Variants in DSG3 observed in about 807,000 individuals in gnomAD.
DSG3 encodes the protein desmoglein-3.
DSG3 carries 63 observed loss-of-function variants against 85.9 expected under a neutral mutation model. The observed-to-expected ratio is 0.73, with a 90% CI of 0.60 to 0.90. The LOEUF (loss-of-function observed/expected upper bound fraction) is 0.90. Among genes scored for constraint, DSG3 ranks in the 40% least tolerant of loss-of-function variants. The probability of loss-of-function intolerance (pLI) is 0.00; values close to 1 mark genes in which losing one functional copy is unlikely to be tolerated. For synonymous variants in DSG3, 447 were observed against 441.9 expected (o/e 1.01, Z -0.14); for missense variants, 1,220 against 1,219.9 (o/e 1.00, Z 0.00).
In DSG3 at chr18:31,464,141, A is replaced by G; in HGVS notation, c.1030A>G (p.Lys344Glu). 6.2e-7 allele frequency: 1 copy of G among 1,614,058 alleles called. No individual in the cohort carries two copies. Among genetic ancestry groups the G allele is most frequent in the South Asian group, 1.1e-5 (1 of 91,046 alleles). The change falls in exon 9 of 16, where the codon AAA (lysine) becomes GAA (glutamate). Residue 344 changes from lysine to glutamate, a missense_variant. By Grantham distance (56) the Lys-to-Glu change is moderately conservative. Transcript: ENST00000257189. ...AGATTATGAACAACTACAAAGCGTGAAACTTAGTATTGCTGTCAAAAACAA... is the reference window on the plus strand; with the variant it reads ...AGATTATGAACAACTACAAAGCGTGGAACTTAGTATTGCTGTCAAAAACAA... ...ALDYEQLQSV[K>E]LSIAVKNKAE...
Position 31,474,403 on chromosome 18 carries a change from A to G in DSG3, c.2384A>G (p.Gln795Arg), listed in dbSNP as rs145985329. Residue 795 changes from glutamine (Q) to arginine (R), a missense_variant and splice_region_variant, in exon 15 of 16, where the codon CAG (glutamine) becomes CGG (arginine). Gln to Arg is a conservative substitution (Grantham distance 43). Transcript: ENST00000257189. ...AATTTTCTGGACTCCTACTTTTCTCAGGTAATTTGGTGAAAAACTTTGTGG... is the reference window on the plus strand; with the variant it reads ...AATTTTCTGGACTCCTACTTTTCTCGGGTAATTTGGTGAAAAACTTTGTGG... ...SMNFLDSYFS[Q>R]KAFACAEEDD... 1.9e-6 allele frequency: 3 copies of G among 1,596,162 alleles called. No homozygotes were observed. The highest frequency in any genetic ancestry group is 2.6e-6 in the Non-Finnish European group (3 of 1,168,432).
At chr18:31,456,678 A>T (rs1362781862) in intron 2 of DSG3, among the ~76,000 whole-genome samples, 1 of 152,170 alleles carries the variant, frequency 6.6e-6, no homozygotes, top group Non-Finnish European at 1.5e-5. Flanking sequence ...AATTTATTTC[A>T]TGCATTCTTT....
intron 1 of DSG3, 31 bp downstream of exon 1, chr18:31,447,956 A>G: frequency 6.6e-7 from 1 of 1,514,100 alleles, no homozygotes; most frequent in Non-Finnish European, 8.9e-7. Context: ...ATAATCACAA[A>G]CTTCCCTGCT....
intron 3 of DSG3, among the ~76,000 whole-genome samples, 169 bp downstream of exon 3, chr18:31,457,293 G>A (rs1368815134): frequency 1.3e-5 from 2 of 151,530 alleles, no homozygotes; most frequent in African/African-American, 2.4e-5. Flanking sequence ...GAGAGAAAGA[G>A]AGAAAGGAAG....
At chr18:31,471,335 C>T (rs1319933671) in intron 12 of DSG3, among the ~76,000 whole-genome samples, 1 of 152,164 alleles carries the variant, frequency 6.6e-6, no homozygotes. Flanking sequence ...CTCATAACAA[C>T]CTATGATGTA....
intron 3 of DSG3, among the ~76,000 whole-genome samples, 164 bp from the exon 4 acceptor site, chr18:31,458,281 A>T (rs1182772888): frequency 6.6e-6 from 1 of 152,174 alleles, no homozygotes; most frequent in Non-Finnish European, 1.5e-5. Context: ...CAACGGTTTG[A>T]TTTTATTTCA....
At chr18:31,450,200 A>T (rs2072702994) in intron 1 of DSG3, among the ~76,000 whole-genome samples, 1 of 152,190 alleles carries the variant, frequency 6.6e-6, no homozygotes, top group African/African-American at 2.4e-5. Flanking sequence ...TCAAGTCTTT[A>T]TGGATTCAGT....
At chr18:31,458,879 C>T (rs1385057527) in intron 4 of DSG3, among the ~76,000 whole-genome samples, 154 bp from the exon 5 acceptor site, 2 of 152,192 alleles carry the variant, frequency 1.3e-5, no homozygotes, top group African/African-American at 2.4e-5. Flanking sequence ...CTGCCCAGAG[C>T]AGGCACCTTT....
Position 31,474,098 on chromosome 18 carries a change from A to G in DSG3, c.2102-23A>G, listed in dbSNP as rs765382956. On this transcript the variant is annotated intron_variant, in intron 14 of 15. Transcript: ENST00000257189. ...AACAAACAACAGCATAAGATATTACAGAATGTTCTCCCTTGTTTTTAGAAG... is the reference window on the plus strand; with the variant it reads ...AACAAACAACAGCATAAGATATTACGGAATGTTCTCCCTTGTTTTTAGAAG... The G allele has an allele frequency of 9.4e-6, 15 of 1,599,194 alleles. No homozygotes were observed. The African/African-American group carries it at 1.9e-4, about 20-fold the overall frequency.
intron 1 of DSG3, 81 bp downstream of exon 1, chr18:31,448,006 C>T (rs938035034): frequency 9.2e-7 from 1 of 1,087,426 alleles, no homozygotes; most frequent in Non-Finnish European, 1.3e-6. Flanking sequence ...ATTGCACAAT[C>T]TTTATTATAA....
At position 31,457,144 on chromosome 18, in the gene DSG3, G is replaced by A. The variant is rs1223666640; in HGVS notation, c.216+20G>A. 1.3e-6 allele frequency: 2 copies of A among 1,595,290 alleles called. No individual in the cohort carries two copies. The highest frequency in any genetic ancestry group is 1.7e-6 in the Non-Finnish European group (2 of 1,174,414). On this transcript the variant is annotated intron_variant, in intron 3 of 15. Transcript: ENST00000257189. The stretch of plus-strand genomic sequence containing the variant: ...GCCAAGGTAAGTTATATCAACAGGA[G>A]CGTATGAGTTTTTAGAATAAATGTA...
At chr18:31,464,741 T>C (rs2072806948) in intron 9 of DSG3, among the ~76,000 whole-genome samples, 1 of 152,160 alleles carries the variant, frequency 6.6e-6, no homozygotes, top group Non-Finnish European at 1.5e-5. Context: ...CAAAGACATA[T>C]ATGCCTAAAA....
rs1373325469 is a variant in DSG3 at position 31,478,262 on chromosome 18, A to G, written c.*2002A>G. ...TGGCTCGCTCTACAGTCTAGAGCAC[A>G]TGCAGCTAACTTGTGCCTCTGCTTA... On this transcript the variant is annotated 3_prime_UTR_variant, in exon 16 of 16. Coordinates refer to ENST00000257189, the MANE Select transcript of DSG3 (RefSeq NM_001944.3). 6.6e-6 allele frequency: 1 copy of G among 152,246 alleles called. No homozygotes were observed. The highest frequency in any genetic ancestry group is 1.5e-5 in the Non-Finnish European group (1 of 68,054). 9.4% of individuals were successfully genotyped at this position (152,246 alleles called of 1,614,324 possible).
chr18:31,448,414 A>G (rs1021945941), intron 1 of DSG3, among the ~76,000 whole-genome samples: 1 of 152,220 alleles, frequency 6.6e-6, no homozygotes, highest in African/African-American at 2.4e-5. Context: ...ACTCTAGAGA[A>G]GTTGGGAGGA....
In DSG3 at chr18:31,458,525, C is replaced by G; in HGVS notation, c.297C>G (p.Ile99Met). Reference sequence around the variant, plus strand: ...GAATCGATCAGCCGCCTTTTGGAATCTTTGTTGTTGACAAAAACACTGGAG... The same window carrying G: ...GAATCGATCAGCCGCCTTTTGGAATGTTTGTTGTTGACAAAAACACTGGAG... ...GVGIDQPPFG[I>M]FVVDKNTGDI... is the part of the protein sequence containing the mutation. Residue 99 changes from isoleucine (I) to methionine (M), a missense_variant, in exon 4 of 16, where the codon ATC becomes ATG. Ile to Met is a conservative substitution (Grantham distance 10). Transcript: ENST00000257189. 1 of 1,614,084 alleles carries G rather than the reference C, an allele frequency of 6.2e-7. No homozygotes were observed.
chr18:31,468,694 T>A (rs572149071), intron 11 of DSG3, among the ~76,000 whole-genome samples: 2 of 152,338 alleles, frequency 1.3e-5, no homozygotes, highest in East Asian at 3.9e-4. Flanking sequence ...AAAGCTCATG[T>A]GTTGAAAACT....
intron 1 of DSG3, among the ~76,000 whole-genome samples, chr18:31,455,461 A>C (rs758161836): frequency 2.0e-5 from 3 of 152,228 alleles, no homozygotes; most frequent in Non-Finnish European, 4.4e-5. Flanking sequence ...GGCTTAGCAC[A>C]GAAATTCTTT....
intron 8 of DSG3, among the ~76,000 whole-genome samples, chr18:31,462,869 C>G (rs2072794651): frequency 6.6e-6 from 1 of 152,008 alleles, no homozygotes; most frequent in South Asian, 2.1e-4. Flanking sequence ...GGATCCCTTA[C>G]TCTTCTCTTT....
Position 31,456,986 on chromosome 18 carries a change from A to G in DSG3, c.85-7A>G. ...TCCATAACAAATGGAATCCCTTTTT[A>G]CATAAGACTAAAGGTCAATATGATG... On this transcript the variant is annotated splice_polypyrimidine_tract_variant and splice_region_variant and intron_variant, in intron 2 of 15. Coordinates refer to ENST00000257189, the MANE Select transcript of DSG3 (RefSeq NM_001944.3). 1 of 1,592,262 alleles carries G rather than the reference A, an allele frequency of 6.3e-7. No individual in the cohort carries two copies. The highest frequency in any genetic ancestry group is 8.5e-7 in the Non-Finnish European group (1 of 1,172,690).
Sources: allele counts gnomAD v4.1 joint callset (sites outside exome capture counted in the v4.1 genomes callset), GRCh38; gene constraint gnomAD v4.1.1; transcripts MANE v1.5; gene names NCBI Gene and HGNC (gene_info 2026-07-23, HGNC 2026-07-21).